Variants in GCLM observed in about 807,000 individuals in gnomAD.
GCLM encodes the protein glutamate-cysteine ligase modifier subunit.
Under a neutral mutation model 36.0 loss-of-function variants are expected in GCLM, and 15 were observed. That is an observed-to-expected ratio of 0.42 (90% CI 0.28 to 0.64). The LOEUF (loss-of-function observed/expected upper bound fraction) is 0.64. Among genes scored for constraint, GCLM ranks in the 30% least tolerant of loss-of-function variants. GCLM has a pLI of 0.25. For missense variants in GCLM, 242 were observed against 325.5 expected, an observed-to-expected ratio of 0.74 and a Z score of 1.97; for synonymous variants, 129 against 122.8, an observed-to-expected ratio of 1.05 and a Z score of -0.34.
chr1:93,905,255 T>C (rs1657107613), intron 1 of GCLM, among the ~76,000 whole-genome samples: 1 of 151,688 alleles, frequency 6.6e-6, no homozygotes, highest in Non-Finnish European at 1.5e-5. Context: ...AAGCCCAGGC[T>C]GTCTGACTAG....
intron 1 of GCLM, among the ~76,000 whole-genome samples, chr1:93,905,501 C>T (rs1442277365): frequency 1.3e-5 from 2 of 152,076 alleles, no homozygotes; most frequent in Non-Finnish European, 2.9e-5. Context: ...TGAGAACCAC[C>T]AGGATAGACA....
At chr1:93,897,196 C>T (rs1656762642) in intron 4 of GCLM, among the ~76,000 whole-genome samples, 1 of 152,200 alleles carries the variant, frequency 6.6e-6, no homozygotes, top group Non-Finnish European at 1.5e-5. Context: ...TTGCTCACTA[C>T]TATCGCATAT....
At chr1:93,908,055 T>A (rs991011016) in intron 1 of GCLM, among the ~76,000 whole-genome samples, 1 of 152,236 alleles carries the variant, frequency 6.6e-6, no homozygotes, top group African/African-American at 2.4e-5. Context: ...GCCTGCATGG[T>A]GAGCGTTTTC....
chr1:93,909,240 C>T lies in GCLM; in HGVS notation c.-77G>A. 2 of 1,107,506 alleles carry T rather than the reference C, an allele frequency of 1.8e-6. No homozygotes were observed. The highest frequency in any genetic ancestry group is 3.3e-5 in the African/African-American group (2 of 60,450). The allele number at this position is 1,107,506 out of a possible 1,614,324, so 68.6% of individuals were successfully genotyped here. ...AGGCAGGCGGCCGCCCCACAGGACG[C>T]GGTGCCCGAGGCCCGAGAGAGACCC... On this transcript the variant is annotated 5_prime_UTR_variant, in exon 1 of 7. Transcript: ENST00000370238.
At chr1:93,901,828 C>T (rs1656960789) in intron 2 of GCLM, among the ~76,000 whole-genome samples, 159 bp from the exon 3 acceptor site, 1 of 151,688 alleles carries the variant, frequency 6.6e-6, no homozygotes, top group African/African-American at 2.4e-5. Context: ...GGTTGTAAAG[C>T]TCTGAAATAA....
At chr1:93,891,592 G>T (rs17878956) in intron 6 of GCLM, among the ~76,000 whole-genome samples, 1,923 of 152,236 alleles carry the variant, frequency 0.013, 34 homozygotes, top group African/African-American at 0.044. Flanking sequence ...ATGAGGGTTG[G>T]TTTTTGTCTG....
At chr1:93,897,641 C>T (rs1425503434) in intron 4 of GCLM, among the ~76,000 whole-genome samples, 198 bp downstream of exon 4, 1 of 151,990 alleles carries the variant, frequency 6.6e-6, no homozygotes, top group Non-Finnish European at 1.5e-5. Context: ...TTTTACATTC[C>T]TCTTGCATAT....
At position 93,907,115 on chromosome 1, in the gene GCLM, A is replaced by T. The variant is rs1055041368; in HGVS notation, c.126+1923T>A. Among the ~76,000 whole-genome samples the T allele has an allele frequency of 2.6e-5, 4 of 152,238 alleles. No individual in the cohort carries two copies. In the East Asian group the frequency reaches 7.7e-4, roughly 29 times the overall value. ...TCTTCAGTGAAGCGGAACTGTTCCA[A>T]GTAGTACATCCCAATTTGGAGCTCT... On this transcript the variant is annotated intron_variant, in intron 1 of 6. Transcript: ENST00000370238.
chr1:93,891,589 T>G (rs1199101290), intron 6 of GCLM, among the ~76,000 whole-genome samples: 1 of 152,186 alleles, frequency 6.6e-6, no homozygotes, highest in Non-Finnish European at 1.5e-5. Context: ...TCCATGAGGG[T>G]TGGTTTTTGT....
intron 6 of GCLM, among the ~76,000 whole-genome samples, chr1:93,890,334 C>T (rs1656487460): frequency 6.6e-6 from 1 of 152,040 alleles, no homozygotes; most frequent in African/African-American, 2.4e-5. Flanking sequence ...TGGTGGTTTG[C>T]ATTACAAATA....
At position 93,909,422 on chromosome 1, in the gene GCLM, T is replaced by C; in HGVS notation, c.-259A>G. ...ACTGCGGCCGCAGCGGGAGAGCTGA[T>C]TCCAAACTGAGGGAGCTGTTTCCTG... On this transcript the variant is annotated 5_prime_UTR_variant, in exon 1 of 7. Coordinates refer to ENST00000370238, the MANE Select transcript of GCLM (RefSeq NM_002061.4). 2.6e-6 allele frequency: 1 copy of C among 377,532 alleles called. No individual in the cohort carries two copies. The highest frequency in any genetic ancestry group is 3.7e-6 in the Non-Finnish European group (1 of 270,010). The allele number at this position is 377,532 out of a possible 1,614,324, so 23.4% of individuals were successfully genotyped here. A position where few individuals can be genotyped will look rare whatever the true frequency, so the allele number is the denominator to read the frequency against.
chr1:93,892,642 C>A (rs1357109504), intron 6 of GCLM, among the ~76,000 whole-genome samples: 1 of 152,014 alleles, frequency 6.6e-6, no homozygotes, highest in Non-Finnish European at 1.5e-5. Context: ...TTATGTAATA[C>A]AAAAAATATA....
intron 3 of GCLM, among the ~76,000 whole-genome samples, 199 bp downstream of exon 3, chr1:93,901,386 A>G (rs1369381673): frequency 6.6e-6 from 1 of 152,224 alleles, no homozygotes; most frequent in Non-Finnish European, 1.5e-5. Context: ...AGCAAGTTGA[A>G]GTTCTATTCT....
At chr1:93,891,787 C>T (rs932510766) in intron 6 of GCLM, among the ~76,000 whole-genome samples, 2 of 152,216 alleles carry the variant, frequency 1.3e-5, no homozygotes, top group African/African-American at 4.8e-5. Context: ...TCCCAAACTG[C>T]TGTGATACCT....
chr1:93,889,253 G>T, intron 6 of GCLM, 94 bp from the exon 7 acceptor site: 3 of 679,966 alleles, frequency 4.4e-6, no homozygotes, highest in Non-Finnish European at 6.9e-6. Context: ...CATAACAAAA[G>T]AAACACCTCA....
At chr1:93,903,609 C>T (rs1022604606) in intron 2 of GCLM, among the ~76,000 whole-genome samples, 1 of 151,926 alleles carries the variant, frequency 6.6e-6, no homozygotes, top group East Asian at 1.9e-4. Flanking sequence ...TGAGCCACTG[C>T]GCCCAGCCTG....
intron 6 of GCLM, among the ~76,000 whole-genome samples, chr1:93,894,360 A>C (rs1469704777): frequency 1.3e-5 from 2 of 151,940 alleles, no homozygotes; most frequent in Middle Eastern, 3.2e-3. Flanking sequence ...TTTTCTGTGT[A>C]GTTTAATATT....
intron 3 of GCLM, among the ~76,000 whole-genome samples, chr1:93,901,107 G>T (rs1656932072): frequency 6.6e-6 from 1 of 152,110 alleles, no homozygotes; most frequent in Non-Finnish European, 1.5e-5. Flanking sequence ...ACAGTTTCTG[G>T]AATTTGTCAC....
intron 6 of GCLM, among the ~76,000 whole-genome samples, chr1:93,892,404 T>C (rs1393681617): frequency 6.6e-6 from 1 of 152,148 alleles, no homozygotes; most frequent in Non-Finnish European, 1.5e-5. Flanking sequence ...GTTTGGTTGC[T>C]TAAAAAAATA....
Sources: gnomAD v4.1 joint callset for allele counts (sites outside exome capture counted in the v4.1 genomes callset) on GRCh38, gnomAD v4.1.1 for gene constraint, MANE v1.5 for transcripts, NCBI Gene and HGNC (gene_info 2026-07-23, HGNC 2026-07-21) for gene names.